The following GFOD1 variants were observed in gnomAD, a reference collection of about 807,000 sequenced individuals.
GFOD1 encodes the protein Gfo/Idh/MocA-like oxidoreductase domain containing 1.
Under a neutral mutation model 25.4 loss-of-function variants are expected in GFOD1, and 9 were observed. The observed-to-expected ratio is 0.35, with a 90% CI of 0.21 to 0.62. GFOD1 has a LOEUF of 0.62. Among genes scored for constraint, GFOD1 ranks in the 20% least tolerant of loss-of-function variants. The probability of loss-of-function intolerance (pLI) is 0.72; values close to 1 mark genes in which losing one functional copy is unlikely to be tolerated. For synonymous variants in GFOD1, 253 were observed against 245.6 expected (o/e 1.03, Z -0.28); for missense variants, 403 against 556.9 (o/e 0.72, Z 2.78).
In GFOD1 at chr6:13,360,754, C is replaced by T; in HGVS notation, c.*3989G>A. 1 of 456,772 alleles carries T rather than the reference C, an allele frequency of 2.2e-6. No individual in the cohort carries two copies. Among genetic ancestry groups the T allele is most frequent in the South Asian group, 1.5e-5 (1 of 64,568 alleles). The allele number at this position is 456,772 out of a possible 1,614,324, so 28.3% of individuals were successfully genotyped here. ...TGAACAGGAGGGTGCTGACAGCAGGCTGAGTGGAGCCGCAGGTTAGTCCAT... is the reference window on the plus strand; with the variant it reads ...TGAACAGGAGGGTGCTGACAGCAGGTTGAGTGGAGCCGCAGGTTAGTCCAT... On this transcript the variant is annotated 3_prime_UTR_variant, in exon 2 of 2. Transcript: ENST00000379287.
In GFOD1 at chr6:13,374,704, A is replaced by C. The variant is rs187873009; in HGVS notation, c.254-9042T>G. Among the ~76,000 whole-genome samples, 286 of 146,794 alleles carry C rather than the reference A, an allele frequency of 1.9e-3. 1 individual carries two copies. Among genetic ancestry groups the C allele is most frequent in the African/African-American group, 6.6e-3 (269 of 40,484 alleles). On this transcript the variant is annotated intron_variant, in intron 1 of 1. Transcript: ENST00000379287. The stretch of plus-strand genomic sequence containing the variant: ...AATGTATAGTGATCAGATCAAGGTA[A>C]TTAGCATATTCATCATCTCAAATCT...
intron 1 of GFOD1, among the ~76,000 whole-genome samples, chr6:13,424,956 CTTTT>C (rs571287840): frequency 1.6e-5 from 2 of 123,884 alleles, no homozygotes; most frequent in Non-Finnish European, 1.7e-5. Flanking sequence ...ACATTTAATT[CTTTT>C]TTTTTTTTTT....
intron 1 of GFOD1, among the ~76,000 whole-genome samples, chr6:13,392,795 C>T (rs965434599): frequency 6.6e-6 from 1 of 152,090 alleles, no homozygotes; most frequent in Non-Finnish European, 1.5e-5. Context: ...ATGACTCACA[C>T]CTATAATCCC....
chr6:13,389,874 G>C (rs1419943879), intron 1 of GFOD1, among the ~76,000 whole-genome samples: 1 of 152,076 alleles, frequency 6.6e-6, no homozygotes, highest in Non-Finnish European at 1.5e-5. Flanking sequence ...CATTGCCCAT[G>C]ATATGCATTT....
chr6:13,409,088 GGAAAGAAAGAAAGAAAGAAAGAAAGAAA>G (rs879779509), intron 1 of GFOD1, among the ~76,000 whole-genome samples: 1 of 36,672 alleles, frequency 2.7e-5, no homozygotes, highest in Admixed American at 3.4e-4. Context: ...CCATCAGAAA[GGAAAGAAAGAAAGAAAGAAAGAAAGAAA>G]GAAAGAAAGA....
rs1220513006 is a variant in GFOD1, at chr6:13,364,969, G to A, written c.947C>T (p.Ala316Val). 3 of 1,609,672 alleles carry A rather than the reference G, an allele frequency of 1.9e-6. No homozygotes were observed. ...TIKMMQAVRQ[A>V]FQDQDDRRTW... ...GCGCCGGTCGTCCTGGTCCTGGAAG[G>A]CCTGGCGCACCGCCTGCATCATCTT... Residue 316 changes from alanine (A) to valine (V), a missense_variant, in exon 2 of 2, where the codon GCC becomes GTC. By Grantham distance (64) the Ala-to-Val change is moderately conservative. Coordinates refer to ENST00000379287, the MANE Select transcript of GFOD1 (RefSeq NM_018988.4). This position sits in a 1 kb window ranked among gnomAD's most constrained non-coding sequence, Gnocchi z 4.1.
At chr6:13,481,830 A>G (rs1013734652) in intron 1 of GFOD1, among the ~76,000 whole-genome samples, 1 of 152,276 alleles carries the variant, frequency 6.6e-6, no homozygotes, top group African/African-American at 2.4e-5. Context: ...TGTAATCAGC[A>G]TGTACTCTCT....
At chr6:13,440,345 C>T (rs573012636) in intron 1 of GFOD1, among the ~76,000 whole-genome samples, 81 of 152,194 alleles carry the variant, frequency 5.3e-4, no homozygotes, top group African/African-American at 1.8e-3. Context: ...CCCACCACCA[C>T]GCTCAGCTAA....
At chr6:13,378,762 G>C (rs1490843124) in intron 1 of GFOD1, among the ~76,000 whole-genome samples, 1 of 152,166 alleles carries the variant, frequency 6.6e-6, no homozygotes, top group Non-Finnish European at 1.5e-5. Context: ...GCCACTGCGG[G>C]ATCACATTAA....
Position 13,374,232 on chromosome 6 carries a change from C to G in GFOD1, c.254-8570G>C, listed in dbSNP as rs918471200. Among the ~76,000 whole-genome samples the G allele has an allele frequency of 4.0e-5, 6 of 149,714 alleles. No homozygotes were observed. In the South Asian group the frequency reaches 1.3e-3, roughly 32 times the overall value. On this transcript the variant is annotated intron_variant, in intron 1 of 1. Coordinates refer to ENST00000379287, the MANE Select transcript of GFOD1 (RefSeq NM_018988.4). Reference sequence around the variant, plus strand: ...TGGAATTTGAACCCAGATTGTCTGGCTACAAAGCCAGCCTAGTCTTTTTAA... The same window carrying G: ...TGGAATTTGAACCCAGATTGTCTGGGTACAAAGCCAGCCTAGTCTTTTTAA...
chr6:13,447,999 AT>A (rs11322051), intron 1 of GFOD1, among the ~76,000 whole-genome samples: 10,266 of 151,652 alleles, frequency 0.068, 1,093 homozygotes, highest in African/African-American at 0.23. Flanking sequence ...TTTGGGGTGG[AT>A]TTGGAGGGAG....
chr6:13,384,044 T>C (rs759956385), intron 1 of GFOD1, among the ~76,000 whole-genome samples: 5 of 152,130 alleles, frequency 3.3e-5, no homozygotes, highest in African/African-American at 7.2e-5. Flanking sequence ...CTGGCCAACA[T>C]GGCAAAACTC....
intron 1 of GFOD1, among the ~76,000 whole-genome samples, chr6:13,407,259 T>C (rs995085146): frequency 1.3e-5 from 2 of 152,168 alleles, no homozygotes; most frequent in Non-Finnish European, 2.9e-5. Flanking sequence ...GCAGCTGAAA[T>C]TGTATGCTTG....
Position 13,486,628 on chromosome 6 carries a change from G to A in GFOD1, c.253+10C>T. ...GGTGGGACGGAGGATGCGGGGTAGG[G>A]GTCGCTCACCTAGGGTTTTGACAGC... On this transcript the variant is annotated intron_variant, in intron 1 of 1. Coordinates refer to ENST00000379287, the MANE Select transcript of GFOD1 (RefSeq NM_018988.4). 1 of 1,613,004 alleles carries A rather than the reference G, an allele frequency of 6.2e-7. No homozygotes were observed. The highest frequency in any genetic ancestry group is 8.5e-7 in the Non-Finnish European group (1 of 1,179,212).
intron 1 of GFOD1, among the ~76,000 whole-genome samples, chr6:13,393,780 CTTTTTTTTT>C (rs70989854): frequency 8.3e-6 from 1 of 120,288 alleles, no homozygotes; most frequent in Non-Finnish European, 1.7e-5. Flanking sequence ...TTTTTCTTTT[CTTTTTTTTT>C]TTTTTTTTGA....
intron 1 of GFOD1, among the ~76,000 whole-genome samples, chr6:13,475,703 G>T (rs1334590046): frequency 6.7e-6 from 1 of 149,060 alleles, no homozygotes; most frequent in Admixed American, 6.7e-5. Flanking sequence ...GGGTGACAGT[G>T]CAAGACTCCA....
chr6:13,387,457 T>C (rs1010550624), intron 1 of GFOD1, among the ~76,000 whole-genome samples: 1 of 152,190 alleles, frequency 6.6e-6, no homozygotes, highest in African/African-American at 2.4e-5. Flanking sequence ...GCAAGGCTGG[T>C]TCAACATACG....
At chr6:13,475,418 A>G (rs1014052452) in intron 1 of GFOD1, among the ~76,000 whole-genome samples, 10 of 152,074 alleles carry the variant, frequency 6.6e-5, no homozygotes, top group Admixed American at 5.2e-4. Context: ...TACTAAAAAT[A>G]CAAAAATTAG....
Position 13,364,897 on chromosome 6 carries a change from C to T in GFOD1, c.1019G>A (p.Cys340Tyr). 1 of 1,613,756 alleles carries T rather than the reference C, an allele frequency of 6.2e-7. No homozygotes were observed. Among genetic ancestry groups the T allele is most frequent in the Non-Finnish European group, 8.5e-7 (1 of 1,180,034 alleles). ...GTCCACCACGCACAAGGCATACAGG[C>T]AGTCGTCGAAGGTGGCGGCCATGGT... ...PLTMAATFDD[C>Y]LYALCVVDTI... is the part of the protein sequence containing the mutation. Residue 340 changes from cysteine to tyrosine, a missense_variant, in exon 2 of 2, where the codon TGC becomes TAC. Coordinates refer to ENST00000379287, the MANE Select transcript of GFOD1 (RefSeq NM_018988.4). The surrounding 1 kb of genome is among the most constrained non-coding windows in gnomAD (Gnocchi z 4.1).
Sources: allele counts gnomAD v4.1 joint callset (sites outside exome capture counted in the v4.1 genomes callset), GRCh38; gene constraint gnomAD v4.1.1; non-coding constraint Gnocchi (gnomAD v3.1); transcripts MANE v1.5; gene names NCBI Gene and HGNC (gene_info 2026-07-23, HGNC 2026-07-21).